The following PTPRD variants were observed in gnomAD, a reference collection of about 807,000 sequenced individuals.
PTPRD encodes the protein protein tyrosine phosphatase receptor type D, also known as receptor-type tyrosine-protein phosphatase delta.
PTPRD carries 34 observed loss-of-function variants against 214.5 expected under a neutral mutation model. The observed-to-expected ratio is 0.16, with a 90% confidence interval of 0.12 to 0.21. PTPRD has a LOEUF of 0.21. Among genes scored for constraint, PTPRD ranks in the 10% least tolerant of loss-of-function variants. The pLI is 1.00. For synonymous variants in PTPRD, 1,128 were observed against 845.7 expected, an observed-to-expected ratio of 1.33 and a Z score of -5.79; for missense variants, 2,545 against 2,398.7, an observed-to-expected ratio of 1.06 and a Z score of -1.27.
chr9:8,358,736 A>G (rs2077586479), intron 39 of PTPRD, among the ~76,000 whole-genome samples: 1 of 152,160 alleles, frequency 6.6e-6, no homozygotes, highest in Non-Finnish European at 1.5e-5. Flanking sequence ...CTATTCTTGC[A>G]TAGTTTATTA....
chr9:10,343,838 T>G (rs1441520180), intron 2 of PTPRD, among the ~76,000 whole-genome samples: 1 of 151,840 alleles, frequency 6.6e-6, no homozygotes, highest in South Asian at 2.1e-4. Context: ...TGTTTTTTTC[T>G]TGTAAATTTG....
chr9:10,176,620 A>G (rs2154302148), intron 3 of PTPRD, among the ~76,000 whole-genome samples: 1 of 152,110 alleles, frequency 6.6e-6, no homozygotes, highest in African/African-American at 2.4e-5. Flanking sequence ...CAAGCACATA[A>G]ATCATACAAA....
At chr9:8,452,983 T>C (rs1272702398) in intron 33 of PTPRD, among the ~76,000 whole-genome samples, 6 of 152,202 alleles carry the variant, frequency 3.9e-5, no homozygotes, top group Non-Finnish European at 8.8e-5. Flanking sequence ...AATCAAAATA[T>C]TTGTTTCTGT....
intron 5 of PTPRD, among the ~76,000 whole-genome samples, chr9:9,821,548 A>G (rs1220498482): frequency 1.3e-5 from 2 of 152,332 alleles, no homozygotes; most frequent in East Asian, 3.9e-4. Context: ...GAGAAAATAT[A>G]TAAGATATAG....
chr9:9,406,214 A>T (rs1157036562), intron 8 of PTPRD, among the ~76,000 whole-genome samples: 1 of 151,946 alleles, frequency 6.6e-6, no homozygotes, highest in Non-Finnish European at 1.5e-5. Flanking sequence ...TGTTAAAAAG[A>T]TGGTAAGGGC....
intron 7 of PTPRD, among the ~76,000 whole-genome samples, chr9:9,605,536 A>G (rs1463530849): frequency 1.3e-5 from 2 of 152,076 alleles, no homozygotes; most frequent in East Asian, 3.8e-4. Context: ...AGTTTTCTAG[A>G]CTATATGGTT....
At chr9:8,755,028 T>A (rs2093871006) in intron 11 of PTPRD, among the ~76,000 whole-genome samples, 1 of 152,150 alleles carries the variant, frequency 6.6e-6, no homozygotes, top group East Asian at 1.9e-4. Flanking sequence ...CTCACCAGAA[T>A]AATTAAAATC....
chr9:10,145,382 T>C (rs760429269), intron 3 of PTPRD, among the ~76,000 whole-genome samples: 6 of 152,110 alleles, frequency 3.9e-5, no homozygotes, highest in Non-Finnish European at 7.4e-5. Context: ...TTCTTCCTCC[T>C]CCTCAGCCTA....
At chr9:9,162,489 G>T (rs574285911) in intron 10 of PTPRD, among the ~76,000 whole-genome samples, 1 of 152,008 alleles carries the variant, frequency 6.6e-6, no homozygotes, top group South Asian at 2.1e-4. Flanking sequence ...TGTCCTTTTG[G>T]GACAAGGAAG....
At chr9:9,325,761 G>A (rs1184871771) in intron 9 of PTPRD, among the ~76,000 whole-genome samples, 2 of 152,156 alleles carry the variant, frequency 1.3e-5, no homozygotes, top group Non-Finnish European at 2.9e-5. Context: ...GGGCATCCCT[G>A]TCTTGTGCCA....
chr9:8,826,533 C>A (rs980713293), intron 11 of PTPRD, among the ~76,000 whole-genome samples: 2 of 152,156 alleles, frequency 1.3e-5, no homozygotes, highest in Non-Finnish European at 2.9e-5. Flanking sequence ...ATCCTTCATA[C>A]GTGCTGATAC....
At chr9:10,303,831 G>C (rs372817329) in intron 3 of PTPRD, among the ~76,000 whole-genome samples, 2 of 152,050 alleles carry the variant, frequency 1.3e-5, no homozygotes, top group Non-Finnish European at 2.9e-5. Flanking sequence ...TTCTACCAGA[G>C]GTTCAAAGAG....
chr9:10,502,648 G>A (rs924627788), intron 2 of PTPRD, among the ~76,000 whole-genome samples: 4 of 152,002 alleles, frequency 2.6e-5, no homozygotes, highest in South Asian at 2.1e-4. Flanking sequence ...GGCTAAAAAC[G>A]AAACACTGTG....
chr9:9,707,863 G>A (rs2097654188), intron 7 of PTPRD, among the ~76,000 whole-genome samples: 1 of 151,964 alleles, frequency 6.6e-6, no homozygotes, highest in Non-Finnish European at 1.5e-5. Context: ...CACCTGCTAT[G>A]TTTTGAAATT....
At chr9:9,096,799 G>C (rs1320507999) in intron 10 of PTPRD, among the ~76,000 whole-genome samples, 1 of 152,134 alleles carries the variant, frequency 6.6e-6, no homozygotes, top group Non-Finnish European at 1.5e-5. Flanking sequence ...TTTATATAAT[G>C]CTATGGAGGC....
At chr9:9,546,382 T>C (rs924540141) in intron 8 of PTPRD, among the ~76,000 whole-genome samples, 1 of 151,856 alleles carries the variant, frequency 6.6e-6, no homozygotes, top group Non-Finnish European at 1.5e-5. Flanking sequence ...CAAAATTAAA[T>C]ACCAGATGTT....
intron 9 of PTPRD, among the ~76,000 whole-genome samples, chr9:9,229,404 T>G (rs1012539299): frequency 1.3e-5 from 2 of 151,996 alleles, no homozygotes; most frequent in Non-Finnish European, 2.9e-5. Flanking sequence ...CAGCAATGCC[T>G]CATAGAAGAA....
At chr9:10,357,405 G>C (rs17625506) in intron 2 of PTPRD, among the ~76,000 whole-genome samples, 17,950 of 152,200 alleles carry the variant, frequency 0.12, 1,272 homozygotes, top group South Asian at 0.19. Flanking sequence ...TCAATGCCTT[G>C]ATTTCAGGAC....
intron 3 of PTPRD, among the ~76,000 whole-genome samples, chr9:10,214,649 G>T (rs1455321492): frequency 6.6e-6 from 1 of 151,956 alleles, no homozygotes; most frequent in East Asian, 1.9e-4. Context: ...ATAAAAACAT[G>T]TTTATCACCT....
Sources: allele counts gnomAD v4.1 joint callset (sites outside exome capture counted in the v4.1 genomes callset), GRCh38; gene constraint gnomAD v4.1.1; transcripts MANE v1.5; gene names NCBI Gene and HGNC (gene_info 2026-07-23, HGNC 2026-07-21).